The following MEGF8 variants were observed in gnomAD, a reference collection of about 807,000 sequenced individuals.
MEGF8 encodes multiple EGF like domains 8.
A neutral mutation model predicts 302.9 loss-of-function variants in MEGF8; 156 were observed. That is an observed-to-expected ratio of 0.52 (90% CI 0.45 to 0.59). The LOEUF is 0.59. Ranked by LOEUF, MEGF8 falls within the 20% of genes least tolerant of loss-of-function variation. The pLI, the probability that MEGF8 is intolerant of heterozygous loss-of-function variation, is 0.00. For synonymous variants in MEGF8, 1,621 were observed against 1,660.5 expected, an observed-to-expected ratio of 0.98 and a Z score of 0.58; for missense variants, 3,345 against 3,964.5, an observed-to-expected ratio of 0.84 and a Z score of 4.20.
chr19:42,369,796 C>T lies in MEGF8; in HGVS notation c.6834+73C>T, dbSNP rs2039660308. On this transcript the variant is annotated intron_variant, in intron 38 of 41. Transcript: ENST00000251268. The surrounding 1 kb of genome is among the most constrained non-coding windows in gnomAD (Gnocchi z 5.7). ...CACTTGCCTTCATCCCACGCTCAGG[C>T]GGCTCGCATCTCATCCTGAGCCCTG... 17 of 1,447,372 alleles carry T rather than the reference C, an allele frequency of 1.2e-5. No individual in the cohort carries two copies. The Admixed American group carries it at 1.6e-4, about 14-fold the overall frequency. The allele number at this position is 1,447,372 out of a possible 1,614,324, so 89.7% of individuals were successfully genotyped here. A position where few individuals can be genotyped will look rare whatever the true frequency, so the allele number is the denominator to read the frequency against.
chr19:42,362,445 A>G lies in MEGF8; in HGVS notation c.5906A>G (p.Asn1969Ser), dbSNP rs765659720. 1.3e-5 allele frequency: 21 copies of G among 1,613,978 alleles called. No homozygotes were observed. The highest frequency in any genetic ancestry group is 3.3e-5 in the Admixed American group (2 of 60,032). ...NCPEGACIGR[N>S]GSCTSENDCR... ...CCCGAAGGTGCTTGCATTGGACGCA[A>G]TGGGTCCTGCACCTCTGAGAATGAC... Residue 1969 changes from asparagine (N) to serine (S), a missense_variant, in exon 34 of 42, where the codon AAT (asparagine) becomes AGT (serine). Transcript: ENST00000251268.
chr19:42,358,091 G>C lies in MEGF8; in HGVS notation c.5012-53G>C, dbSNP rs1007145173. ...GAACAGGGGACCGGGAGGTCGGCGG[G>C]GTCAGTGCTGTTGTCAGCCCCTCCC... On this transcript the variant is annotated intron_variant, in intron 28 of 41. Transcript: ENST00000251268. The surrounding 1 kb of genome is among the most constrained non-coding windows in gnomAD (Gnocchi z 4.4). 2.8e-6 allele frequency: 4 copies of C among 1,442,046 alleles called. No individual in the cohort carries two copies. In the African/African-American group the frequency reaches 5.9e-5, roughly 21 times the overall value. The allele number at this position is 1,442,046 out of a possible 1,614,324, so 89.3% of individuals were successfully genotyped here. A position where few individuals can be genotyped will look rare whatever the true frequency, so the allele number is the denominator to read the frequency against.
chr19:42,353,261 C>A lies in MEGF8; in HGVS notation c.3550+134C>A. On this transcript the variant is annotated intron_variant, in intron 20 of 41. Transcript: ENST00000251268. The surrounding 1 kb of genome is among the most constrained non-coding windows in gnomAD (Gnocchi z 6.1). Reference sequence around the variant, plus strand: ...CTAGGTCCCCTGCCCCATTCCTGTTCCTGACTCAAACAGGTTTCAGTGCCA... The same window carrying A: ...CTAGGTCCCCTGCCCCATTCCTGTTACTGACTCAAACAGGTTTCAGTGCCA... 9.6e-7 allele frequency: 1 copy of A among 1,047,064 alleles called. No homozygotes were observed. The highest frequency in any genetic ancestry group is 1.4e-6 in the Non-Finnish European group (1 of 736,062). 64.9% of individuals were successfully genotyped at this position (1,047,064 alleles called of 1,614,324 possible).
rs1203020777 is a variant in MEGF8 at position 42,349,592 on chromosome 19, G to A, written c.2392G>A (p.Asp798Asn). ...SARLFPLPGR[D>N]HKYAVEIQGQ... ...TCGCCTCTTCCCTCTGCCTGGGCGGGACCACAAGTATGCAGTAGAGATCCA... is the reference window on the plus strand; with the variant it reads ...TCGCCTCTTCCCTCTGCCTGGGCGGAACCACAAGTATGCAGTAGAGATCCA... The change falls in exon 14 of 42, where the codon GAC becomes AAC. Residue 798 changes from aspartate (D) to asparagine (N), a missense_variant. Asp to Asn is a conservative substitution (Grantham distance 23, BLOSUM62 1). Coordinates refer to ENST00000251268, the MANE Select transcript of MEGF8 (RefSeq NM_001271938.2). The A allele has an allele frequency of 1.2e-6, 2 of 1,611,692 alleles. No homozygotes were observed. Among genetic ancestry groups the A allele is most frequent in the African/African-American group, 2.7e-5 (2 of 74,894 alleles).
At chr19:42,338,431 G>A (rs1340737737) in intron 8 of MEGF8, among the ~76,000 whole-genome samples, 3 of 152,006 alleles carry the variant, frequency 2.0e-5, no homozygotes, top group South Asian at 4.2e-4. Context: ...TAGTAGAGAC[G>A]AGGTTTTGCC....
chr19:42,370,812 C>T lies in MEGF8; in HGVS notation c.7117C>T (p.Leu2373=), dbSNP rs761830237. 53 of 1,138,762 alleles carry T rather than the reference C, an allele frequency of 4.7e-5. No homozygotes were observed. Among genetic ancestry groups the T allele is most frequent in the Non-Finnish European group, 6.4e-5 (51 of 792,682 alleles). 70.5% of individuals were successfully genotyped at this position (1,138,762 alleles called of 1,614,324 possible). Residue 2373 remains leucine, a synonymous_variant, in exon 40 of 42, where the codon CTG becomes TTG. Coordinates refer to ENST00000251268, the MANE Select transcript of MEGF8 (RefSeq NM_001271938.2). Reference sequence around the variant, plus strand: ...GAGCTGCCTGCAGGGCTACTTCCTCCTGGACGGGAAGTGCACCAAGTAAGA... The same window carrying T: ...GAGCTGCCTGCAGGGCTACTTCCTCTTGGACGGGAAGTGCACCAAGTAAGA... ...CESCLQGYFL[L]DGKCTKCQCN...
At chr19:42,364,136 A>T (rs2039571691) in intron 35 of MEGF8, among the ~76,000 whole-genome samples, 1 of 152,110 alleles carries the variant, frequency 6.6e-6, no homozygotes, top group Admixed American at 6.6e-5. Flanking sequence ...TGATTCCTGA[A>T]GGTGGGTGTG....
In MEGF8 at chr19:42,369,643, G is replaced by C; in HGVS notation, c.6754G>C (p.Glu2252Gln). The part of the protein sequence containing the change: ...FGFVGRNCST[E>Q]CRCNRHSECA... The stretch of plus-strand genomic sequence containing the variant: ...CTTTGTGGGCCGCAACTGCTCCACG[G>C]AATGCCGCTGCAACCGCCACAGTGA... The change falls in exon 38 of 42, where the codon GAA (glutamate) becomes CAA (glutamine). Residue 2252 changes from glutamate to glutamine, a missense_variant. Transcript: ENST00000251268. The surrounding 1 kb of genome is among the most constrained non-coding windows in gnomAD (Gnocchi z 5.7). 1 of 1,612,180 alleles carries C rather than the reference G, an allele frequency of 6.2e-7. No individual in the cohort carries two copies. The highest frequency in any genetic ancestry group is 8.5e-7 in the Non-Finnish European group (1 of 1,179,338).
At chr19:42,374,207 C>T (rs968672609) in intron 41 of MEGF8, among the ~76,000 whole-genome samples, 4 of 152,108 alleles carry the variant, frequency 2.6e-5, no homozygotes, top group Non-Finnish European at 4.4e-5. Flanking sequence ...TAGCTGGGCA[C>T]AGTGGCTCAT....
rs1430283740 is a variant in MEGF8, at chr19:42,370,237, G to A, written c.6883G>A (p.Gly2295Arg). 5.6e-6 allele frequency: 9 copies of A among 1,613,564 alleles called. No individual in the cohort carries two copies. The highest frequency in any genetic ancestry group is 1.7e-4 in the Middle Eastern group (1 of 6,038). ...CCCGCTGTTTGTGGGTTCAGCTGTCGGAGGCGGGACCTGCCGGCCCTGCCA... is the reference window on the plus strand; with the variant it reads ...CCCGCTGTTTGTGGGTTCAGCTGTCAGAGGCGGGACCTGCCGGCCCTGCCA... ...CLPLFVGSAV[G>R]GGTCRPCHAF... Residue 2295 changes from glycine to arginine, a missense_variant, in exon 39 of 42, where the codon GGA becomes AGA. By Grantham distance (125) the Gly-to-Arg change is moderately radical. Coordinates refer to ENST00000251268, the MANE Select transcript of MEGF8 (RefSeq NM_001271938.2).
At position 42,353,454 on chromosome 19, in the gene MEGF8, G is replaced by A; in HGVS notation, c.3551-11G>A. On this transcript the variant is annotated splice_polypyrimidine_tract_variant and intron_variant, in intron 20 of 41. Transcript: ENST00000251268. The surrounding 1 kb of genome is among the most constrained non-coding windows in gnomAD (Gnocchi z 6.1). ...GACTTGACTCTGTCCCACCTGCTGG[G>A]GCCTCCACAGACTGGACATGGGGGG... 6.2e-7 allele frequency: 1 copy of A among 1,609,042 alleles called. No homozygotes were observed. Among genetic ancestry groups the A allele is most frequent in the South Asian group, 1.1e-5 (1 of 90,420 alleles).
Position 42,376,341 on chromosome 19 carries a change from G to A in MEGF8, c.8104G>A (p.Val2702Ile), listed in dbSNP as rs1245539911. The A allele has an allele frequency of 1.6e-5, 26 of 1,613,456 alleles. No homozygotes were observed. The highest frequency in any genetic ancestry group is 1.0e-4 in the Admixed American group (6 of 60,002). The part of the protein sequence containing the change: ...MASRPFAKVT[V>I]CFPPDPTAPA... ...CAGCCGCCCCTTCGCCAAGGTCACCGTCTGCTTCCCACCTGACCCTACTGC... is the reference window on the plus strand; with the variant it reads ...CAGCCGCCCCTTCGCCAAGGTCACCATCTGCTTCCCACCTGACCCTACTGC... Residue 2702 changes from valine (V) to isoleucine (I), a missense_variant, in exon 42 of 42, where the codon GTC becomes ATC. Physicochemically the swap from Val to Ile is conservative, Grantham distance 29. Transcript: ENST00000251268. This position sits in a 1 kb window ranked among gnomAD's most constrained non-coding sequence, Gnocchi z 8.2.
At chr19:42,360,001 G>A (rs1344933885) in intron 31 of MEGF8, among the ~76,000 whole-genome samples, 1 of 151,322 alleles carries the variant, frequency 6.6e-6, no homozygotes, top group Admixed American at 6.6e-5. Flanking sequence ...TGTCTTTTCA[G>A]ATTCAGTAGA....
At chr19:42,372,973 C>T (rs1391198872) in intron 41 of MEGF8, among the ~76,000 whole-genome samples, 5 of 150,506 alleles carry the variant, frequency 3.3e-5, no homozygotes, top group African/African-American at 9.8e-5. Context: ...ACACCCAGCC[C>T]AGAGTTTCTG....
rs565458249 is a variant in MEGF8 at position 42,369,487 on chromosome 19, G to A, written c.6642-44G>A. On this transcript the variant is annotated intron_variant, in intron 37 of 41. Transcript: ENST00000251268. This position sits in a 1 kb window ranked among gnomAD's most constrained non-coding sequence, Gnocchi z 5.7. ...GTTGGGTGCTAGGCCATGAAGCCAC[G>A]AGGAGGGTGGCCACCTGCCCTGACC... is the stretch of plus-strand genomic sequence containing the variant. The A allele has an allele frequency of 3.6e-5, 56 of 1,574,792 alleles. No individual in the cohort carries two copies. Among genetic ancestry groups the A allele is most frequent in the Admixed American group, 5.1e-5 (3 of 58,846 alleles).
chr19:42,348,269 C>T lies in MEGF8; in HGVS notation c.2098-3C>T, dbSNP rs2039318506. 6.5e-7 allele frequency: 1 copy of T among 1,535,856 alleles called. No homozygotes were observed. The highest frequency in any genetic ancestry group is 1.4e-5 in the African/African-American group (1 of 73,024). Reference sequence around the variant, plus strand: ...ACACATACACCCATCCCTGGTGGCACAGGTCTCAATTGTCCGCAGCACGAC... The same window carrying T: ...ACACATACACCCATCCCTGGTGGCATAGGTCTCAATTGTCCGCAGCACGAC... On this transcript the variant is annotated splice_polypyrimidine_tract_variant and splice_region_variant and intron_variant, in intron 12 of 41. Coordinates refer to ENST00000251268, the MANE Select transcript of MEGF8 (RefSeq NM_001271938.2).
At position 42,344,853 on chromosome 19, in the gene MEGF8, C is replaced by T. The variant is rs757748642; in HGVS notation, c.2097+20C>T. 2.6e-6 allele frequency: 4 copies of T among 1,527,310 alleles called. No individual in the cohort carries two copies. The African/African-American group carries it at 4.2e-5, about 16-fold the overall frequency. 94.6% of individuals were successfully genotyped at this position (1,527,310 alleles called of 1,614,324 possible). ...GACAAGGTGGGTAGGAGGCGTGGCC[C>T]TGGGTGGGGTGTTGATGATCCTGAT... On this transcript the variant is annotated intron_variant, in intron 12 of 41. Coordinates refer to ENST00000251268, the MANE Select transcript of MEGF8 (RefSeq NM_001271938.2). This position sits in a 1 kb window ranked among gnomAD's most constrained non-coding sequence, Gnocchi z 4.5.
intron 23 of MEGF8, among the ~76,000 whole-genome samples, chr19:42,355,469 C>T (rs2039437619): frequency 6.6e-6 from 1 of 152,060 alleles, no homozygotes; most frequent in Non-Finnish European, 1.5e-5. Flanking sequence ...GGAGTGTAGG[C>T]AGCCAGGATG....
At position 42,370,760 on chromosome 19, in the gene MEGF8, G is replaced by GAAT; in HGVS notation, c.7068_7070dup (p.Asn2357dup). 1.3e-6 allele frequency: 2 copies of GAAT among 1,574,612 alleles called. No individual in the cohort carries two copies. Among genetic ancestry groups the GAAT allele is most frequent in the Non-Finnish European group, 1.7e-6 (2 of 1,160,122 alleles). ...ACGAGGCCGTGTGCGTGAACTGCCA[G>GAAT]AATAACAGCTATGGGGAGAAATGCG... On this transcript the variant is annotated inframe_insertion, in exon 40 of 42. Transcript: ENST00000251268.
Sources: allele counts gnomAD v4.1 joint callset (sites outside exome capture counted in the v4.1 genomes callset), GRCh38; gene constraint gnomAD v4.1.1; non-coding constraint Gnocchi (gnomAD v3.1); transcripts MANE v1.5; gene names NCBI Gene and HGNC (gene_info 2026-07-23, HGNC 2026-07-21).